Variants in CNTNAP2 observed in about 807,000 individuals in gnomAD.
CNTNAP2 encodes the protein contactin-associated protein-like 2.
Under a neutral mutation model 155.2 loss-of-function variants are expected in CNTNAP2, and 98 were observed. The ratio of observed to expected loss-of-function variants is 0.63; its 90% CI spans 0.54 to 0.75. The LOEUF (loss-of-function observed/expected upper bound fraction) is 0.75, where lower values mean the gene tolerates loss of function less well. CNTNAP2 is among the 30% of genes least tolerant of loss of function. The probability of loss-of-function intolerance (pLI) is 0.00; values close to 1 mark genes in which losing one functional copy is unlikely to be tolerated. For missense variants in CNTNAP2, 1,727 were observed against 1,688.1 expected, an observed-to-expected ratio of 1.02 and a Z score of -0.40; for synonymous variants, 651 against 631.2, an observed-to-expected ratio of 1.03 and a Z score of -0.47.
At position 147,265,713 on chromosome 7, in the gene CNTNAP2, C is replaced by G. The variant is rs548691293; in HGVS notation, c.1349-34428C>G. Among the ~76,000 whole-genome samples the G allele has an allele frequency of 2.0e-5, 3 of 152,298 alleles. No homozygotes were observed. The South Asian group carries it at 6.2e-4, about 32-fold the overall frequency. The stretch of plus-strand genomic sequence containing the variant: ...CCCGTGCCGCCCTGACTGGGTGAGA[C>G]TTCCCAACAGAGGTCACCAGACACC... On this transcript the variant is annotated intron_variant, in intron 8 of 23. Coordinates refer to ENST00000361727, the MANE Select transcript of CNTNAP2 (RefSeq NM_014141.6).
intron 13 of CNTNAP2, among the ~76,000 whole-genome samples, chr7:147,682,308 C>G (rs571957862): frequency 6.6e-6 from 1 of 151,762 alleles, no homozygotes; most frequent in Non-Finnish European, 1.5e-5. Flanking sequence ...GTTTCTGAAG[C>G]CTAAAATATA....
chr7:146,646,675 T>C (rs1029333457), intron 1 of CNTNAP2, among the ~76,000 whole-genome samples: 1 of 152,186 alleles, frequency 6.6e-6, no homozygotes, highest in Non-Finnish European at 1.5e-5. Context: ...TTAAAACCAT[T>C]CTTGTTATCC....
At chr7:146,419,294 T>C (rs1486170323) in intron 1 of CNTNAP2, among the ~76,000 whole-genome samples, 2 of 152,074 alleles carry the variant, frequency 1.3e-5, no homozygotes, top group Non-Finnish European at 2.9e-5. Context: ...GAAACTGCCC[T>C]CATCATTCAA....
chr7:147,414,332 G>T (rs1179688355), intron 10 of CNTNAP2, among the ~76,000 whole-genome samples: 6 of 151,606 alleles, frequency 4.0e-5, no homozygotes, highest in Non-Finnish European at 8.8e-5. Context: ...GCTGAGGCAG[G>T]AGAATTGCTT....
At chr7:146,143,595 G>A (rs773034689) in intron 1 of CNTNAP2, among the ~76,000 whole-genome samples, 1 of 151,854 alleles carries the variant, frequency 6.6e-6, no homozygotes, top group East Asian at 1.9e-4. Flanking sequence ...TTTCCCTCCT[G>A]TGGTATTGAA....
intron 3 of CNTNAP2, among the ~76,000 whole-genome samples, chr7:146,988,225 T>G (rs1302633558): frequency 6.6e-6 from 1 of 152,128 alleles, no homozygotes; most frequent in Non-Finnish European, 1.5e-5. Context: ...TGAATAAAGT[T>G]TTAATGTAGA....
At chr7:146,315,239 A>C (rs1287772642) in intron 1 of CNTNAP2, among the ~76,000 whole-genome samples, 1 of 152,118 alleles carries the variant, frequency 6.6e-6, no homozygotes, top group Non-Finnish European at 1.5e-5. Context: ...GGCAGTTCAA[A>C]TTCTTCTTTG....
At chr7:148,306,389 C>A (rs553368462) in intron 21 of CNTNAP2, among the ~76,000 whole-genome samples, 7 of 152,264 alleles carry the variant, frequency 4.6e-5, no homozygotes, top group East Asian at 1.9e-4. Context: ...GGGACAATTT[C>A]TTCTTTCATT....
chr7:148,420,851 A>G lies in CNTNAP2; in HGVS notation c.*5235A>G, dbSNP rs574965497. 1 of 152,768 alleles carries G rather than the reference A, an allele frequency of 6.5e-6. No individual in the cohort carries two copies. Among genetic ancestry groups the G allele is most frequent in the African/African-American group, 2.4e-5 (1 of 41,592 alleles). The allele number at this position is 152,768 out of a possible 1,614,324, so 9.5% of individuals were successfully genotyped here. On this transcript the variant is annotated 3_prime_UTR_variant, in exon 24 of 24. Coordinates refer to ENST00000361727, the MANE Select transcript of CNTNAP2 (RefSeq NM_014141.6). ...GAAATAACACAAAATTTCACTCTCT[A>G]AAAGCAACAGCATGTAAACTAGAAT...
intron 18 of CNTNAP2, among the ~76,000 whole-genome samples, chr7:148,177,361 G>T (rs1277904217): frequency 6.6e-6 from 1 of 152,222 alleles, no homozygotes; most frequent in Non-Finnish European, 1.5e-5. Flanking sequence ...CGGAGGCAGA[G>T]ATCGGAGTTA....
At chr7:148,228,316 A>G (rs1249363623) in intron 19 of CNTNAP2, among the ~76,000 whole-genome samples, 1 of 152,160 alleles carries the variant, frequency 6.6e-6, no homozygotes, top group Non-Finnish European at 1.5e-5. Flanking sequence ...TTGTCATATT[A>G]GTTATTTTCA....
intron 14 of CNTNAP2, among the ~76,000 whole-genome samples, chr7:147,973,013 T>C (rs1801360832): frequency 6.6e-6 from 1 of 151,702 alleles, no homozygotes; most frequent in African/African-American, 2.4e-5. Context: ...TTTAAAACAG[T>C]GGGCGTGGTG....
chr7:146,407,281 T>C (rs1310024253), intron 1 of CNTNAP2, among the ~76,000 whole-genome samples: 3 of 152,166 alleles, frequency 2.0e-5, no homozygotes, highest in Non-Finnish European at 4.4e-5. Flanking sequence ...GCATGATCAG[T>C]TAAATATGGT....
intron 9 of CNTNAP2, among the ~76,000 whole-genome samples, chr7:147,390,345 C>T (rs1353958491): frequency 6.6e-6 from 1 of 152,146 alleles, no homozygotes; most frequent in Non-Finnish European, 1.5e-5. Context: ...TAGTGCATTG[C>T]CTCAAAACTC....
rs371134637 is a variant in CNTNAP2, at chr7:147,076,419, A to G, written c.551-31728A>G. On this transcript the variant is annotated intron_variant, in intron 4 of 23. Coordinates refer to ENST00000361727, the MANE Select transcript of CNTNAP2 (RefSeq NM_014141.6). ...ATTTTTTCATGTGTCTGTTGGCTGC[A>G]TAAATGTCTTCTTTTGAGAAGTGTC... Among the ~76,000 whole-genome samples, 5 of 152,300 alleles carry G rather than the reference A, an allele frequency of 3.3e-5. No individual in the cohort carries two copies. The East Asian group carries it at 9.7e-4, about 29-fold the overall frequency.
intron 22 of CNTNAP2, among the ~76,000 whole-genome samples, chr7:148,402,673 C>T (rs1298602700): frequency 6.6e-6 from 1 of 152,120 alleles, no homozygotes; most frequent in African/African-American, 2.4e-5. Context: ...GGCAGAGATA[C>T]CTCATCTCGC....
intron 18 of CNTNAP2, among the ~76,000 whole-genome samples, chr7:148,200,996 T>G (rs1795361523): frequency 6.6e-6 from 1 of 152,202 alleles, no homozygotes; most frequent in Non-Finnish European, 1.5e-5. Flanking sequence ...GTGATGAGAT[T>G]CAACATAAGA....
intron 5 of CNTNAP2, among the ~76,000 whole-genome samples, chr7:147,118,048 C>T (rs1801024373): frequency 6.6e-6 from 1 of 151,794 alleles, no homozygotes; most frequent in Admixed American, 6.6e-5. Context: ...AATACCAAGA[C>T]ATTAGGAGAA....
At chr7:146,747,243 A>G (rs1801824335) in intron 1 of CNTNAP2, among the ~76,000 whole-genome samples, 1 of 152,150 alleles carries the variant, frequency 6.6e-6, no homozygotes, top group Admixed American at 6.5e-5. Context: ...TACCTACAAA[A>G]TACTTGCAAG....
Sources: allele counts gnomAD v4.1 joint callset (sites outside exome capture counted in the v4.1 genomes callset), GRCh38; gene constraint gnomAD v4.1.1; transcripts MANE v1.5; gene names NCBI Gene and HGNC (gene_info 2026-07-23, HGNC 2026-07-21).